Variants in CLCF1 observed in about 807,000 individuals in gnomAD.
CLCF1 encodes the protein cardiotrophin like cytokine factor 1.
In CLCF1, 10 loss-of-function variants were observed where a neutral mutation model predicts 21.2. The ratio of observed to expected loss-of-function variants is 0.47; its 90% CI spans 0.29 to 0.80. The LOEUF (loss-of-function observed/expected upper bound fraction) is 0.80, where lower values mean the gene tolerates loss of function less well. Ranked by LOEUF, CLCF1 falls within the 30% of genes least tolerant of loss-of-function variation. The probability of loss-of-function intolerance (pLI) is 0.09; values close to 1 mark genes in which losing one functional copy is unlikely to be tolerated. For missense variants in CLCF1, 240 were observed against 293.4 expected (o/e 0.82, Z 1.33); for synonymous variants, 115 against 120.5 (o/e 0.95, Z 0.30).
At chr11:67,368,027 T>TC (rs35573072) in intron 1 of CLCF1, 103,271 of 985,098 alleles carry the variant, frequency 0.1, 18,002 homozygotes, top group African/African-American at 0.72. Context: ...CTGCCAGTCT[T>TC]CAGTCCCACT....
chr11:67,373,901 G>A, upstream of CLCF1: 1 of 934,566 alleles, frequency 1.1e-6, no homozygotes, highest in Non-Finnish European at 1.3e-6. Flanking sequence ...TGGGGGAGGG[G>A]GCGGGGAGGC....
upstream of CLCF1, chr11:67,374,157 C>A: frequency 1.0e-6 from 1 of 985,592 alleles, no homozygotes; most frequent in Non-Finnish European, 1.2e-6. Flanking sequence ...CAAATGCCAG[C>A]GAGCTGGCCT....
At chr11:67,373,460 G>T in intron 1 of CLCF1, 64 bp downstream of exon 1, 1 of 935,378 alleles carries the variant, frequency 1.1e-6, no homozygotes, top group Non-Finnish European at 1.6e-6. Flanking sequence ...AGGGCAGGAC[G>T]GGAACCGGAT....
intron 1 of CLCF1, chr11:67,369,807 C>T (rs1200592392): frequency 1.0e-6 from 1 of 985,340 alleles, no homozygotes; most frequent in Non-Finnish European, 1.2e-6. Flanking sequence ...GAACCCAGCT[C>T]AGAACTTACC....
intron 1 of CLCF1, chr11:67,371,094 G>A (rs1365834093): frequency 3.0e-6 from 3 of 985,080 alleles, no homozygotes; most frequent in Admixed American, 1.2e-4. Flanking sequence ...AGTGGGTGAG[G>A]TCCAGGCATT....
chr11:67,371,331 C>A (rs1027905389), intron 1 of CLCF1, among the ~76,000 whole-genome samples: 1 of 152,180 alleles, frequency 6.6e-6, no homozygotes, highest in Non-Finnish European at 1.5e-5. Flanking sequence ...GCCACCAATT[C>A]GTCTGGTGAC....
In CLCF1 at chr11:67,372,317, C is replaced by T. The variant is rs1862254026; in HGVS notation, c.16+1207G>A. On this transcript the variant is annotated intron_variant, in intron 1 of 2. Coordinates refer to ENST00000312438, the MANE Select transcript of CLCF1 (RefSeq NM_013246.3). The surrounding 1 kb of genome is among the most constrained non-coding windows in gnomAD (Gnocchi z 5.9). ...GCTGGGAGCTGGGGGAACAGGGGTC[C>T]TCTGGGATTGGGAGGGTCTGTGGGG... 6.6e-6 allele frequency among the ~76,000 whole-genome samples: 1 copy of T among 152,008 alleles called. No individual in the cohort carries two copies. Among genetic ancestry groups the T allele is most frequent in the Non-Finnish European group, 1.5e-5 (1 of 67,964 alleles).
At chr11:67,370,180 G>A (rs1862198170) in intron 1 of CLCF1, 1 of 985,304 alleles carries the variant, frequency 1.0e-6, no homozygotes, top group Non-Finnish European at 1.2e-6. Context: ...GCAAAGCCAT[G>A]CCCGTGTCTC....
At chr11:67,374,065 C>G, upstream of CLCF1, 3 of 986,422 alleles carry the variant, frequency 3.0e-6, no homozygotes, top group Non-Finnish European at 3.6e-6. Context: ...GTGCGAGGTC[C>G]CTGCTCCCAC....
intron 1 of CLCF1, chr11:67,368,461 C>T: frequency 1.0e-6 from 1 of 985,292 alleles, no homozygotes; most frequent in Non-Finnish European, 1.2e-6. Context: ...AGAGTTTGGA[C>T]ATCCCAGGAT....
chr11:67,367,660 G>A lies in CLCF1; in HGVS notation c.17-34C>T, dbSNP rs748605837. On this transcript the variant is annotated intron_variant, in intron 1 of 2. Transcript: ENST00000312438. ...AGGATGGACGAGAAGCATGAGCGCGGCCCGGGCCCACACGGGGAAGCAGCT... is the reference window on the plus strand; with the variant it reads ...AGGATGGACGAGAAGCATGAGCGCGACCCGGGCCCACACGGGGAAGCAGCT... 1.1e-5 allele frequency: 17 copies of A among 1,604,186 alleles called. No individual in the cohort carries two copies. In the South Asian group the frequency reaches 1.8e-4, roughly 17 times the overall value.
At chr11:67,366,812 G>A (rs572972100) in intron 2 of CLCF1, among the ~76,000 whole-genome samples, 32 of 152,202 alleles carry the variant, frequency 2.1e-4, no homozygotes, top group African/African-American at 7.2e-4. Flanking sequence ...GAGGAACACG[G>A]GAAGAGGGGG....
intron 2 of CLCF1, among the ~76,000 whole-genome samples, chr11:67,366,276 G>T (rs956661184): frequency 6.6e-6 from 1 of 152,146 alleles, no homozygotes; most frequent in African/African-American, 2.4e-5. Context: ...AGAGAAAAAG[G>T]GTCGGGAACT....
chr11:67,367,890 TGA>T (rs1376746706), intron 1 of CLCF1: 1 of 985,310 alleles, frequency 1.0e-6, no homozygotes. Context: ...GTGTGTCAGC[TGA>T]GAGAGTCTTT....
intron 1 of CLCF1, chr11:67,367,831 G>A (rs1862147771): frequency 2.0e-6 from 2 of 985,328 alleles, no homozygotes; most frequent in Non-Finnish European, 1.2e-6. Flanking sequence ...TTGAGGATGA[G>A]GACTTGGCAC....
chr11:67,371,637 CA>C (rs1338549151), intron 1 of CLCF1, among the ~76,000 whole-genome samples: 4 of 152,040 alleles, frequency 2.6e-5, no homozygotes, highest in Admixed American at 2.0e-4. Context: ...AGCGGGGAGC[CA>C]GGGGGGAGCC....
chr11:67,368,377 C>A, intron 1 of CLCF1: 1 of 985,280 alleles, frequency 1.0e-6, no homozygotes, highest in Non-Finnish European at 1.2e-6. Flanking sequence ...GCCTTTCCAT[C>A]AGCCTGCAAG....
chr11:67,373,446 G>A (rs892426078), intron 1 of CLCF1, 78 bp downstream of exon 1: 2 of 798,414 alleles, frequency 2.5e-6, no homozygotes, highest in African/African-American at 1.8e-5. Flanking sequence ...GGCTCCCGGG[G>A]GTCAGGGCAG....
chr11:67,373,781 G>T, upstream of CLCF1: 2 of 983,562 alleles, frequency 2.0e-6, no homozygotes, highest in Non-Finnish European at 2.5e-6. Context: ...CGGGGTGGGG[G>T]TAGGAGGGGG....
Sources: allele counts gnomAD v4.1 joint callset (sites outside exome capture counted in the v4.1 genomes callset), GRCh38; gene constraint gnomAD v4.1.1; non-coding constraint Gnocchi (gnomAD v3.1); transcripts MANE v1.5; gene names NCBI Gene and HGNC (gene_info 2026-07-23, HGNC 2026-07-21).